BBX: variants seen among roughly 807,000 people sequenced by gnomAD.
The protein encoded by BBX is BBX high mobility group box domain containing.
BBX carries 30 observed loss-of-function variants against 100.2 expected under a neutral mutation model. That is an observed-to-expected ratio of 0.30 (90% CI 0.22 to 0.41). The LOEUF is 0.41. BBX is among the 10% of genes least tolerant of loss of function. The probability of loss-of-function intolerance (pLI) is 1.00; values close to 1 mark genes in which losing one functional copy is unlikely to be tolerated. For synonymous variants in BBX, 376 were observed against 388.1 expected, an observed-to-expected ratio of 0.97 and a Z score of 0.37; for missense variants, 1,023 against 1,129.8, an observed-to-expected ratio of 0.91 and a Z score of 1.35.
At chr3:107,566,956 C>T (rs2050964338) in intron 2 of BBX, among the ~76,000 whole-genome samples, 1 of 152,058 alleles carries the variant, frequency 6.6e-6, no homozygotes, top group Admixed American at 6.6e-5. Flanking sequence ...TAGTATCTCA[C>T]AGTTTTCTCA....
chr3:107,780,158 G>A (rs1268760610), intron 13 of BBX, among the ~76,000 whole-genome samples: 1 of 152,054 alleles, frequency 6.6e-6, no homozygotes, highest in Non-Finnish European at 1.5e-5. Context: ...AATAGGAAAA[G>A]TAGTCCATGA....
intron 2 of BBX, among the ~76,000 whole-genome samples, chr3:107,548,356 TTATG>T (rs1291169082): frequency 2.0e-5 from 3 of 152,204 alleles, no homozygotes; most frequent in Non-Finnish European, 2.9e-5. Context: ...GTATCTGTGT[TTATG>T]TGTGTGTTCC....
chr3:107,548,081 A>C (rs1027127862), intron 2 of BBX, among the ~76,000 whole-genome samples: 21 of 152,112 alleles, frequency 1.4e-4, no homozygotes, highest in African/African-American at 4.3e-4. Flanking sequence ...CTTACCTGGG[A>C]GGCATCGAGG....
intron 13 of BBX, among the ~76,000 whole-genome samples, chr3:107,785,400 ATC>A (rs2068310577): frequency 6.6e-6 from 1 of 152,004 alleles, no homozygotes; most frequent in Non-Finnish European, 1.5e-5. Context: ...GCAGATCAAT[ATC>A]TCTTACAAAT....
Position 107,772,932 on chromosome 3 carries a change from GTCATTTTCC to G in BBX, c.1213_1221del (p.His405_Pro407del). 1 of 1,611,722 alleles carries G rather than the reference GTCATTTTCC, an allele frequency of 6.2e-7. No homozygotes were observed. The highest frequency in any genetic ancestry group is 8.5e-7 in the Non-Finnish European group (1 of 1,179,438). On this transcript the variant is annotated inframe_deletion, in exon 11 of 18. Coordinates refer to ENST00000325805, the MANE Select transcript of BBX (RefSeq NM_001142568.3). ...GAGTTAGAAGAAGATCACAAATGTA[GTCATTTTCC>G]TGATTTTTCTTATTCTGCCAGTAGC...
At chr3:107,733,517 G>A (rs930142569) in intron 7 of BBX, among the ~76,000 whole-genome samples, 1 of 151,832 alleles carries the variant, frequency 6.6e-6, no homozygotes, top group Non-Finnish European at 1.5e-5. Flanking sequence ...CCTTGAGACA[G>A]GGTCTCACTC....
chr3:107,583,614 A>G (rs979121837), intron 2 of BBX, among the ~76,000 whole-genome samples: 3 of 151,654 alleles, frequency 2.0e-5, no homozygotes, highest in African/African-American at 7.3e-5. Context: ...ACCATTTTGA[A>G]GTATACAATA....
chr3:107,667,134 A>G (rs1164199048), intron 3 of BBX, among the ~76,000 whole-genome samples: 1 of 152,230 alleles, frequency 6.6e-6, no homozygotes, highest in Non-Finnish European at 1.5e-5. Context: ...TTCCTCAGGA[A>G]TTCAAGGAGA....
chr3:107,733,964 C>A (rs958684200), intron 7 of BBX, among the ~76,000 whole-genome samples: 1 of 152,080 alleles, frequency 6.6e-6, no homozygotes, highest in Non-Finnish European at 1.5e-5. Context: ...ATTGAATTAA[C>A]CTACAGGTCA....
At chr3:107,566,129 C>T (rs1215015728) in intron 2 of BBX, among the ~76,000 whole-genome samples, 2 of 132,532 alleles carry the variant, frequency 1.5e-5, no homozygotes, top group African/African-American at 5.6e-5. Flanking sequence ...GAGCCGAGAT[C>T]GCGCCATTGC....
chr3:107,698,070 G>A lies in BBX; in HGVS notation c.-9-12382G>A, dbSNP rs554251923. Among the ~76,000 whole-genome samples the A allele has an allele frequency of 4.0e-5, 6 of 151,780 alleles. 1 individual carries two copies. The highest frequency in any genetic ancestry group is 4.1e-4 in the South Asian group (2 of 4,824). On this transcript the variant is annotated intron_variant, in intron 3 of 17. Coordinates refer to ENST00000325805, the MANE Select transcript of BBX (RefSeq NM_001142568.3). ...CTGCTTTGGCTCGTGCACGGTGCGCGCACCCACTGACCTGCGCCCACTGAA... is the reference window on the plus strand; with the variant it reads ...CTGCTTTGGCTCGTGCACGGTGCGCACACCCACTGACCTGCGCCCACTGAA...
chr3:107,568,912 A>T (rs2051137645), intron 2 of BBX, among the ~76,000 whole-genome samples: 1 of 152,238 alleles, frequency 6.6e-6, no homozygotes, highest in Non-Finnish European at 1.5e-5. Context: ...TGTGTGTGAT[A>T]CAAGTATAGA....
chr3:107,749,840 G>T (rs2064933812), intron 9 of BBX, among the ~76,000 whole-genome samples: 2 of 152,060 alleles, frequency 1.3e-5, no homozygotes, highest in African/African-American at 2.4e-5. Context: ...CGCCATGTTG[G>T]CCAGGCTGGT....
At chr3:107,776,089 C>T (rs556417129) in intron 12 of BBX, 3 of 152,232 alleles carry the variant, frequency 2.0e-5, no homozygotes, top group African/African-American at 7.2e-5. Flanking sequence ...AAATGACCTG[C>T]AAGCATCTAG....
intron 2 of BBX, among the ~76,000 whole-genome samples, chr3:107,546,063 T>G (rs2107392148): frequency 6.6e-6 from 1 of 152,324 alleles, no homozygotes. Context: ...CTTAACCCAC[T>G]GGCTACTGAA....
intron 1 of BBX, 107 bp downstream of exon 1, chr3:107,523,214 G>C (rs2047483018): frequency 4.6e-6 from 1 of 218,854 alleles, no homozygotes; most frequent in Admixed American, 5.5e-5. Context: ...TCCGCGGCAG[G>C]AGCAGCGGCG....
intron 3 of BBX, among the ~76,000 whole-genome samples, chr3:107,648,068 T>C (rs1272579404): frequency 1.3e-5 from 2 of 152,152 alleles, no homozygotes; most frequent in African/African-American, 4.8e-5. Flanking sequence ...AAACAGTACA[T>C]ATTTTAACTA....
At chr3:107,646,360 T>C (rs182582714) in intron 3 of BBX, among the ~76,000 whole-genome samples, 1 of 152,262 alleles carries the variant, frequency 6.6e-6, no homozygotes, top group Non-Finnish European at 1.5e-5. Flanking sequence ...TGGGTGTAGC[T>C]GCATCTTGAA....
At chr3:107,526,247 A>G (rs2047768820) in intron 1 of BBX, 80 bp from the exon 2 acceptor site, 1 of 398,464 alleles carries the variant, frequency 2.5e-6, no homozygotes, top group Non-Finnish European at 4.4e-6. Flanking sequence ...CCTTCTCTTC[A>G]TAGATGTTAC....
Sources: allele counts gnomAD v4.1 joint callset (sites outside exome capture counted in the v4.1 genomes callset), GRCh38; gene constraint gnomAD v4.1.1; transcripts MANE v1.5; gene names NCBI Gene and HGNC (gene_info 2026-07-23, HGNC 2026-07-21).